Variants in HS3ST4 observed in about 807,000 individuals in gnomAD.
HS3ST4 encodes the protein heparan sulfate-glucosamine 3-sulfotransferase 4, also known as heparan sulfate glucosamine 3-O-sulfotransferase 4.
In HS3ST4, 17 loss-of-function variants were observed where a neutral mutation model predicts 29.2. The observed-to-expected ratio is 0.58, with a 90% confidence interval of 0.40 to 0.87. The LOEUF is 0.87. Ranked by LOEUF, HS3ST4 falls within the 40% of genes least tolerant of loss-of-function variation. HS3ST4 has a pLI of 0.00. For missense variants in HS3ST4, 627 were observed against 634.5 expected (o/e 0.99, Z 0.13); for synonymous variants, 314 against 285.7 (o/e 1.10, Z -1.00).
intron 1 of HS3ST4, among the ~76,000 whole-genome samples, chr16:26,018,842 A>C (rs879725350): frequency 6.6e-6 from 1 of 151,974 alleles, no homozygotes; most frequent in Non-Finnish European, 1.5e-5. Context: ...GAAAAAAAAA[A>C]AAAAATCACT....
chr16:25,969,593 A>C (rs761975402), intron 1 of HS3ST4, among the ~76,000 whole-genome samples: 6 of 152,200 alleles, frequency 3.9e-5, no homozygotes, highest in Non-Finnish European at 8.8e-5. Context: ...ATGGCCTGGG[A>C]CAACTCTCTT....
intron 1 of HS3ST4, among the ~76,000 whole-genome samples, chr16:25,969,331 T>A (rs1968873983): frequency 1.3e-5 from 2 of 152,328 alleles, no homozygotes; most frequent in South Asian, 4.1e-4. Flanking sequence ...AGACATTTTA[T>A]TCCTTGAGAC....
At chr16:25,736,432 A>T (rs1204486791) in intron 1 of HS3ST4, among the ~76,000 whole-genome samples, 1 of 152,226 alleles carries the variant, frequency 6.6e-6, no homozygotes, top group Admixed American at 6.5e-5. Context: ...TATGGCACAT[A>T]TAAAATTCTT....
chr16:25,698,887 C>A (rs1051894838), intron 1 of HS3ST4, among the ~76,000 whole-genome samples: 12 of 152,194 alleles, frequency 7.9e-5, no homozygotes, highest in Middle Eastern at 3.2e-3. Flanking sequence ...TGGAGAGAAG[C>A]TAAAGTGCCT....
At chr16:25,965,455 C>T (rs756022325) in intron 1 of HS3ST4, among the ~76,000 whole-genome samples, 7 of 151,288 alleles carry the variant, frequency 4.6e-5, no homozygotes, top group Non-Finnish European at 7.4e-5. Flanking sequence ...GGGACTACAA[C>T]GGGAGGAGTT....
intron 1 of HS3ST4, among the ~76,000 whole-genome samples, chr16:25,985,226 C>A (rs1969049628): frequency 6.6e-6 from 1 of 152,184 alleles, no homozygotes; most frequent in African/African-American, 2.4e-5. Context: ...TGAAAATACC[C>A]AGTTCAGTGC....
At chr16:25,734,277 C>T (rs912857222) in intron 1 of HS3ST4, among the ~76,000 whole-genome samples, 10 of 152,228 alleles carry the variant, frequency 6.6e-5, no homozygotes, top group African/African-American at 2.4e-4. Context: ...TTTCCCAACT[C>T]TTTACATTGC....
chr16:25,830,781 C>T (rs1373338903), intron 1 of HS3ST4, among the ~76,000 whole-genome samples: 2 of 151,886 alleles, frequency 1.3e-5, no homozygotes, highest in African/African-American at 4.8e-5. Flanking sequence ...GATCACAGCT[C>T]AGTCACTGTT....
At chr16:25,764,032 C>T (rs931254721) in intron 1 of HS3ST4, among the ~76,000 whole-genome samples, 6 of 152,072 alleles carry the variant, frequency 3.9e-5, no homozygotes, top group Middle Eastern at 3.2e-3. Context: ...TAGGTTCTAA[C>T]GGAGCTGATG....
At chr16:25,773,848 C>G (rs1476983172) in intron 1 of HS3ST4, among the ~76,000 whole-genome samples, 1 of 152,110 alleles carries the variant, frequency 6.6e-6, no homozygotes, top group African/African-American at 2.4e-5. Context: ...ACTCTGTATG[C>G]CCCTGTGCAA....
intron 1 of HS3ST4, among the ~76,000 whole-genome samples, chr16:25,951,524 A>G (rs1477616974): frequency 2.6e-5 from 4 of 152,206 alleles, no homozygotes; most frequent in Non-Finnish European, 5.9e-5. Flanking sequence ...ACCTGGTACT[A>G]TACACCCAAA....
chr16:25,764,383 C>A (rs1274633314), intron 1 of HS3ST4, among the ~76,000 whole-genome samples: 1 of 152,118 alleles, frequency 6.6e-6, no homozygotes, highest in East Asian at 1.9e-4. Context: ...GATGGGGAAG[C>A]AGAGGCACAA....
At chr16:25,747,848 G>C (rs1290340766) in intron 1 of HS3ST4, among the ~76,000 whole-genome samples, 1 of 152,146 alleles carries the variant, frequency 6.6e-6, no homozygotes, top group African/African-American at 2.4e-5. Flanking sequence ...AGGAGAGAAG[G>C]CTTTTCCTAG....
chr16:25,873,190 C>A (rs1967774456), intron 1 of HS3ST4, among the ~76,000 whole-genome samples: 1 of 151,944 alleles, frequency 6.6e-6, no homozygotes, highest in East Asian at 1.9e-4. Context: ...ACCCACCCAT[C>A]TATCCATCCA....
At chr16:25,950,212 A>G (rs1968670041) in intron 1 of HS3ST4, among the ~76,000 whole-genome samples, 3 of 152,126 alleles carry the variant, frequency 2.0e-5, no homozygotes, top group Admixed American at 1.3e-4. Context: ...TAGATGACCC[A>G]TCTGCTCACT....
chr16:26,090,887 G>T (rs1451422660), intron 1 of HS3ST4, among the ~76,000 whole-genome samples: 1 of 152,152 alleles, frequency 6.6e-6, no homozygotes, highest in Non-Finnish European at 1.5e-5. Flanking sequence ...GTGGGAGAAT[G>T]AGGTGCATGC....
intron 1 of HS3ST4, among the ~76,000 whole-genome samples, chr16:25,857,810 C>G (rs986331747): frequency 1.3e-5 from 2 of 152,028 alleles, no homozygotes; most frequent in African/African-American, 4.8e-5. Flanking sequence ...GTACTCATAG[C>G]GTGAAAGCAT....
chr16:25,820,446 T>C (rs1596581107), intron 1 of HS3ST4, among the ~76,000 whole-genome samples: 1 of 152,176 alleles, frequency 6.6e-6, no homozygotes, highest in South Asian at 2.1e-4. Context: ...CAGGCTATTG[T>C]GCGGTGGTGC....
At chr16:25,875,638 C>T (rs1007676309) in intron 1 of HS3ST4, among the ~76,000 whole-genome samples, 2 of 152,118 alleles carry the variant, frequency 1.3e-5, no homozygotes, top group African/African-American at 4.8e-5. Flanking sequence ...GTCCTAGGCA[C>T]GTTAAGCTGT....
Sources: gnomAD v4.1 joint callset for allele counts (sites outside exome capture counted in the v4.1 genomes callset) on GRCh38, gnomAD v4.1.1 for gene constraint, MANE v1.5 for transcripts, NCBI Gene and HGNC (gene_info 2026-07-23, HGNC 2026-07-21) for gene names.